Variants in ANO2 observed in about 807,000 individuals in gnomAD.
ANO2 encodes the protein anoctamin-2.
A neutral mutation model predicts 124.2 loss-of-function variants in ANO2; 101 were observed. That is an observed-to-expected ratio of 0.81 (90% confidence interval 0.69 to 0.96). ANO2 has a LOEUF of 0.96. Among genes scored for constraint, ANO2 ranks in the 40% least tolerant of loss-of-function variants. The probability of loss-of-function intolerance (pLI) is 0.00; values close to 1 mark genes in which losing one functional copy is unlikely to be tolerated. For missense variants in ANO2, 1,293 were observed against 1,274.5 expected (o/e 1.01, Z -0.22); for synonymous variants, 486 against 482.5 (o/e 1.01, Z -0.09).
chr12:5,672,468 G>T (rs1351154043), intron 14 of ANO2, among the ~76,000 whole-genome samples: 1 of 152,162 alleles, frequency 6.6e-6, no homozygotes, highest in African/African-American at 2.4e-5. Flanking sequence ...AAAGTCCTTA[G>T]GTTGGAGAAT....
chr12:5,603,640 A>G (rs949660119), intron 19 of ANO2, among the ~76,000 whole-genome samples: 2 of 152,184 alleles, frequency 1.3e-5, no homozygotes, highest in Non-Finnish European at 2.9e-5. Flanking sequence ...CTTGCAGCAT[A>G]GAGTACAATC....
chr12:5,784,888 T>G (rs536045409), intron 10 of ANO2, among the ~76,000 whole-genome samples: 2 of 152,310 alleles, frequency 1.3e-5, no homozygotes, highest in South Asian at 4.1e-4. Context: ...GCCTCTCCCC[T>G]GCCGAGTTTG....
chr12:5,901,192 C>T (rs1940181330), intron 3 of ANO2, among the ~76,000 whole-genome samples: 1 of 152,190 alleles, frequency 6.6e-6, no homozygotes, highest in Admixed American at 6.5e-5. Flanking sequence ...GCGGCCTTTG[C>T]ATCTGGGGAT....
In ANO2 at chr12:5,619,505, C is replaced by T. The variant is rs575902725; in HGVS notation, c.1817-4208G>A. Among the ~76,000 whole-genome samples, 14 of 152,296 alleles carry T rather than the reference C, an allele frequency of 9.2e-5. No homozygotes were observed. The South Asian group carries it at 1.2e-3, about 14-fold the overall frequency. ...AGAGATTGGCCAGGGGCTCATCACA[C>T]GCATTCCCTCCTCCTGGATACACAG... On this transcript the variant is annotated intron_variant, in intron 16 of 24. Coordinates refer to ENST00000682330, the MANE Select transcript of ANO2 (RefSeq NM_001364791.2).
Position 5,908,460 on chromosome 12 carries a change from G to C in ANO2, c.534+12580C>G. On this transcript the variant is annotated intron_variant, in intron 3 of 24. Transcript: ENST00000682330. This position sits in a 1 kb window ranked among gnomAD's most constrained non-coding sequence, Gnocchi z 4.7. ...GTCACCCTATCCAAGCCGAGAGTCC[G>C]ACTGCCCAGGGTGCTGGGCTGGACA... Among the ~76,000 whole-genome samples the C allele has an allele frequency of 6.6e-6, 1 of 152,182 alleles. No individual in the cohort carries two copies. The highest frequency in any genetic ancestry group is 1.9e-4 in the East Asian group (1 of 5,194).
At chr12:5,795,400 G>A (rs989810850) in intron 10 of ANO2, among the ~76,000 whole-genome samples, 1 of 152,220 alleles carries the variant, frequency 6.6e-6, no homozygotes, top group Non-Finnish European at 1.5e-5. Flanking sequence ...CACTCATGAA[G>A]TGAGCACCCC....
intron 14 of ANO2, among the ~76,000 whole-genome samples, chr12:5,653,050 A>G (rs775057377): frequency 2.6e-5 from 4 of 152,316 alleles, no homozygotes; most frequent in African/African-American, 4.8e-5. Context: ...AGTCATACCA[A>G]TGTGAAACCA....
rs1940570227 is a variant in ANO2, at chr12:5,904,915, A to C, written c.534+16125T>G. Among the ~76,000 whole-genome samples, 1 of 152,246 alleles carries C rather than the reference A, an allele frequency of 6.6e-6. No individual in the cohort carries two copies. ...ACAGGATCAGCAGAACAAAGGGAAC[A>C]GGGAACAAAATGATAAGAAGAGGAT... On this transcript the variant is annotated intron_variant, in intron 3 of 24. Transcript: ENST00000682330. This position sits in a 1 kb window ranked among gnomAD's most constrained non-coding sequence, Gnocchi z 4.1.
intron 7 of ANO2, among the ~76,000 whole-genome samples, chr12:5,814,116 A>T (rs1400817731): frequency 6.6e-6 from 1 of 152,218 alleles, no homozygotes; most frequent in Non-Finnish European, 1.5e-5. Flanking sequence ...CTGCCTAAAT[A>T]GTCACCTGCT....
chr12:5,834,511 G>T (rs1358172171), intron 4 of ANO2, among the ~76,000 whole-genome samples: 1 of 152,194 alleles, frequency 6.6e-6, no homozygotes, highest in African/African-American at 2.4e-5. Context: ...CGTTGAGGGA[G>T]TAGCATTTCA....
intron 20 of ANO2, among the ~76,000 whole-genome samples, chr12:5,595,816 T>C (rs570334383): frequency 7.9e-5 from 12 of 152,272 alleles, no homozygotes; most frequent in African/African-American, 2.9e-4. Flanking sequence ...GTCTAGAATA[T>C]TCAGGTCAAC....
At chr12:5,818,508 GAT>G (rs34332417) in intron 7 of ANO2, among the ~76,000 whole-genome samples, 1,319 of 106,024 alleles carry the variant, frequency 0.012, 21 homozygotes, top group Non-Finnish European at 0.02. Flanking sequence ...TATGTAATAG[GAT>G]ATATATATAT....
chr12:5,945,037 C>T (rs997328067), intron 1 of ANO2, among the ~76,000 whole-genome samples, 159 bp downstream of exon 1: 2 of 152,196 alleles, frequency 1.3e-5, no homozygotes, highest in African/African-American at 4.8e-5. Flanking sequence ...CCTCAGAGTC[C>T]CTACCCTGGA....
At chr12:5,828,108 G>T (rs774306204) in intron 6 of ANO2, among the ~76,000 whole-genome samples, 2 of 152,210 alleles carry the variant, frequency 1.3e-5, no homozygotes, top group Non-Finnish European at 2.9e-5. Context: ...GTCACAGGAA[G>T]TAAGGAAAAC....
At chr12:5,903,909 T>A (rs563921259) in intron 3 of ANO2, among the ~76,000 whole-genome samples, 1 of 152,196 alleles carries the variant, frequency 6.6e-6, no homozygotes, top group Non-Finnish European at 1.5e-5. Context: ...CAGGAAGGGG[T>A]GACCCAGAAT....
chr12:5,622,963 CAAA>C (rs60889578), intron 16 of ANO2, among the ~76,000 whole-genome samples: 20 of 106,642 alleles, frequency 1.9e-4, no homozygotes, highest in Admixed American at 4.2e-4. Context: ...GGCTCTGTCT[CAAA>C]AAAAAAAAAA....
intron 19 of ANO2, among the ~76,000 whole-genome samples, chr12:5,610,947 A>G (rs1250950939): frequency 7.1e-6 from 1 of 141,746 alleles, no homozygotes; most frequent in Non-Finnish European, 1.5e-5. Flanking sequence ...CAAGACACAG[A>G]CACATCCTGG....
intron 14 of ANO2, among the ~76,000 whole-genome samples, chr12:5,670,817 G>A (rs904810743): frequency 6.6e-6 from 1 of 152,058 alleles, no homozygotes; most frequent in Non-Finnish European, 1.5e-5. Flanking sequence ...TGGGATTACC[G>A]GTGTGAGCCA....
chr12:5,608,005 G>A (rs989529682), intron 19 of ANO2, among the ~76,000 whole-genome samples: 2 of 152,010 alleles, frequency 1.3e-5, no homozygotes, highest in Admixed American at 6.6e-5. Context: ...CGGAAAAACT[G>A]TCTTCCAGGA....
Sources: allele counts gnomAD v4.1 joint callset (sites outside exome capture counted in the v4.1 genomes callset), GRCh38; gene constraint gnomAD v4.1.1; non-coding constraint Gnocchi (gnomAD v3.1); transcripts MANE v1.5; gene names NCBI Gene and HGNC (gene_info 2026-07-23, HGNC 2026-07-21).